The following PRLR variants were observed in gnomAD, a reference collection of about 807,000 sequenced individuals.
The protein encoded by PRLR is prolactin receptor, also known as hPRL receptor.
A neutral mutation model predicts 40.2 loss-of-function variants in PRLR; 13 were observed. The ratio of observed to expected loss-of-function variants is 0.32; its 90% CI spans 0.21 to 0.51. PRLR has a LOEUF of 0.51. Among genes scored for constraint, PRLR ranks in the 20% least tolerant of loss-of-function variants. PRLR has a pLI of 0.97. For synonymous variants in PRLR, 269 were observed against 278.7 expected (o/e 0.97, Z 0.35); for missense variants, 656 against 747.3 (o/e 0.88, Z 1.42).
Position 35,089,653 on chromosome 5 carries a change from T to A in PRLR, c.-33A>T. 1 of 1,612,540 alleles carries A rather than the reference T, an allele frequency of 6.2e-7. No individual in the cohort carries two copies. The highest frequency in any genetic ancestry group is 8.5e-7 in the Non-Finnish European group (1 of 1,178,632). On this transcript the variant is annotated 5_prime_UTR_variant, in exon 3 of 10. It removes the in-frame stop codon of an upstream open reading frame in the 5' UTR. Transcript: ENST00000618457. ...GCCTTCTCTTGCTGCAGGAAATGTA[T>A]CAGAAGTTCACTGGAAGAGAAGGTA...
intron 1 of PRLR, among the ~76,000 whole-genome samples, chr5:35,138,942 C>A (rs959889858): frequency 7.9e-5 from 12 of 151,958 alleles, no homozygotes; most frequent in African/African-American, 2.9e-4. Flanking sequence ...TTAAAAAGTT[C>A]TTGTCAGGGA....
chr5:35,052,447 C>T (rs1371579479), downstream of PRLR, among the ~76,000 whole-genome samples: 1 of 152,116 alleles, frequency 6.6e-6, no homozygotes, highest in Non-Finnish European at 1.5e-5. Flanking sequence ...ATATCTTTCA[C>T]ATAACTAAGG....
At chr5:35,076,210 A>C (rs1305196281) in intron 5 of PRLR, among the ~76,000 whole-genome samples, 1 of 152,248 alleles carries the variant, frequency 6.6e-6, no homozygotes, top group Non-Finnish European at 1.5e-5. Context: ...GAGCTGAGAG[A>C]AGAAGGCTTC....
intron 1 of PRLR, among the ~76,000 whole-genome samples, chr5:35,189,445 A>G (rs1175844607): frequency 1.3e-5 from 2 of 152,082 alleles, no homozygotes; most frequent in Admixed American, 6.6e-5. Flanking sequence ...ACCAGGCGCC[A>G]TGGTGCATGC....
intron 1 of PRLR, among the ~76,000 whole-genome samples, chr5:35,156,590 C>T (rs1027245009): frequency 6.6e-6 from 1 of 152,178 alleles, no homozygotes; most frequent in Admixed American, 6.5e-5. Context: ...AGTATGGTCT[C>T]CTTGATGCTC....
chr5:35,126,617 C>T (rs1339308412), intron 1 of PRLR, among the ~76,000 whole-genome samples: 3 of 152,178 alleles, frequency 2.0e-5, no homozygotes, highest in South Asian at 2.1e-4. Flanking sequence ...CTAAATACGA[C>T]TTGTGCCACT....
In PRLR at chr5:35,213,555, C is replaced by T. The variant is rs531218315; in HGVS notation, c.-106+16713G>A. On this transcript the variant is annotated intron_variant, in intron 1 of 9. Coordinates refer to ENST00000618457, the MANE Select transcript of PRLR (RefSeq NM_000949.7). Reference sequence around the variant, plus strand: ...TATTAAATTCTTATTACACACTTTGCTCACAAATGAACGTTTCCTTTCTAT... The same window carrying T: ...TATTAAATTCTTATTACACACTTTGTTCACAAATGAACGTTTCCTTTCTAT... 3.9e-5 allele frequency among the ~76,000 whole-genome samples: 6 copies of T among 152,252 alleles called. No homozygotes were observed. In the South Asian group the frequency reaches 1.2e-3, roughly 32 times the overall value.
chr5:35,125,834 G>A (rs1773441315), intron 1 of PRLR, among the ~76,000 whole-genome samples: 1 of 152,228 alleles, frequency 6.6e-6, no homozygotes, highest in Admixed American at 6.5e-5. Context: ...AGAGGGGAAT[G>A]TTAGCAGGCG....
At chr5:35,092,654 A>G (rs762799984) in intron 2 of PRLR, among the ~76,000 whole-genome samples, 26 of 152,138 alleles carry the variant, frequency 1.7e-4, no homozygotes, top group Non-Finnish European at 5.9e-5. Flanking sequence ...TGGAATATCC[A>G]ATGAGGGGCC....
rs1204459432 is a variant in PRLR at position 35,065,527 on chromosome 5, C to T, written c.1431G>A (p.Arg477=). ...SREEGKATQQ[R]EVESFHSETD... is the part of the protein sequence containing the mutation. ...TCTCAGAATGGAAGCTTTCTACCTCCCTCTGCTGGGTTGCCTTTCCCTCTT... is the reference window on the plus strand; with the variant it reads ...TCTCAGAATGGAAGCTTTCTACCTCTCTCTGCTGGGTTGCCTTTCCCTCTT... The change falls in exon 10 of 10, where the codon AGG becomes AGA. Residue 477 remains arginine, a synonymous_variant. Transcript: ENST00000618457. 1.2e-6 allele frequency: 2 copies of T among 1,614,082 alleles called. No individual in the cohort carries two copies. Among genetic ancestry groups the T allele is most frequent in the Non-Finnish European group, 1.7e-6 (2 of 1,180,032 alleles).
At chr5:35,135,827 C>A (rs1773840084) in intron 1 of PRLR, among the ~76,000 whole-genome samples, 2 of 152,204 alleles carry the variant, frequency 1.3e-5, no homozygotes, top group Non-Finnish European at 1.5e-5. Context: ...TCCCTACTGG[C>A]CTTCCTCATC....
At position 35,065,597 on chromosome 5, in the gene PRLR, G is replaced by A. The variant is rs1769312492; in HGVS notation, c.1361C>T (p.Ala454Val). 6 of 1,614,068 alleles carry A rather than the reference G, an allele frequency of 3.7e-6. No homozygotes were observed. The highest frequency in any genetic ancestry group is 5.1e-6 in the Non-Finnish European group (6 of 1,180,032). The part of the protein sequence containing the change: ...AGAPATLLNE[A>V]GKDALKSSQT... ...AGAGGATTTTAAAGCATCTTTACCT[G>A]CTTCATTCAACAGAGTGGCCGGTGC... The change falls in exon 10 of 10, where the codon GCA (alanine) becomes GTA (valine). Residue 454 changes from alanine to valine, a missense_variant. Coordinates refer to ENST00000618457, the MANE Select transcript of PRLR (RefSeq NM_000949.7).
intron 3 of PRLR, among the ~76,000 whole-genome samples, chr5:35,088,442 G>C (rs1046949449): frequency 3.9e-5 from 6 of 152,114 alleles, no homozygotes; most frequent in Non-Finnish European, 8.8e-5. Context: ...GAGCACACTC[G>C]GAAGCCAATT....
At chr5:35,139,952 TAA>T (rs1396916872) in intron 1 of PRLR, among the ~76,000 whole-genome samples, 1 of 152,028 alleles carries the variant, frequency 6.6e-6, no homozygotes, top group Non-Finnish European at 1.5e-5. Flanking sequence ...GTAGAGAAAA[TAA>T]AAGTCTTTGA....
chr5:35,136,818 C>A (rs1418553257), intron 1 of PRLR, among the ~76,000 whole-genome samples: 2 of 152,120 alleles, frequency 1.3e-5, no homozygotes, highest in Admixed American at 1.3e-4. Flanking sequence ...TGCTAAGCTC[C>A]ACCCCCAGTT....
intron 2 of PRLR, among the ~76,000 whole-genome samples, chr5:35,090,550 C>A (rs1771132354): frequency 6.6e-6 from 1 of 151,964 alleles, no homozygotes; most frequent in Non-Finnish European, 1.5e-5. Flanking sequence ...AATGCACGGC[C>A]TAAATTTCTC....
downstream of PRLR, among the ~76,000 whole-genome samples, chr5:35,055,349 G>A (rs1174529373): frequency 6.6e-6 from 1 of 152,052 alleles, no homozygotes; most frequent in African/African-American, 2.4e-5. Flanking sequence ...ACTTCTGGGT[G>A]CTTCCAAGCA....
chr5:35,155,292 A>G (rs552034219), intron 1 of PRLR, among the ~76,000 whole-genome samples: 1 of 152,272 alleles, frequency 6.6e-6, no homozygotes, highest in South Asian at 2.1e-4. Context: ...CTCTTGTCTG[A>G]TTCATGTTGT....
intron 1 of PRLR, among the ~76,000 whole-genome samples, chr5:35,134,878 G>A (rs1773804314): frequency 6.6e-6 from 1 of 152,152 alleles, no homozygotes; most frequent in Non-Finnish European, 1.5e-5. Flanking sequence ...GCCGCCTGAG[G>A]GTTAAAATTC....
Sources: gnomAD v4.1 joint callset for allele counts (sites outside exome capture counted in the v4.1 genomes callset) on GRCh38, gnomAD v4.1.1 for gene constraint, MANE v1.5 for transcripts, NCBI Gene and HGNC (gene_info 2026-07-23, HGNC 2026-07-21) for gene names.